Variants in RBFOX1 observed in about 807,000 individuals in gnomAD.
RBFOX1 encodes the protein RNA binding fox-1 homolog 1, also known as RNA binding protein fox-1 homolog 1.
Under a neutral mutation model 57.7 loss-of-function variants are expected in RBFOX1, and 8 were observed. The observed-to-expected ratio is 0.14, with a 90% CI of 0.08 to 0.25. The LOEUF is 0.25. RBFOX1 is among the 10% of genes least tolerant of loss of function. The pLI, the probability that RBFOX1 is intolerant of heterozygous loss-of-function variation, is 1.00. For missense variants in RBFOX1, 611 were observed against 548.5 expected (o/e 1.11, Z -1.14); for synonymous variants, 326 against 222.4 (o/e 1.47, Z -4.15).
chr16:7,138,039 G>A (rs911516602), intron 4 of RBFOX1, among the ~76,000 whole-genome samples: 2 of 152,172 alleles, frequency 1.3e-5, no homozygotes, highest in Non-Finnish European at 2.9e-5. Context: ...CAGAGGAGCT[G>A]GAATTTTAGT....
intron 3 of RBFOX1, among the ~76,000 whole-genome samples, chr16:6,702,052 T>C (rs1275614369): frequency 6.6e-6 from 1 of 151,982 alleles, no homozygotes; most frequent in African/African-American, 2.4e-5. Flanking sequence ...CAACATACAA[T>C]TTACCTGTAT....
chr16:7,188,192 G>A (rs1025145752), intron 4 of RBFOX1, among the ~76,000 whole-genome samples: 10 of 152,192 alleles, frequency 6.6e-5, no homozygotes, highest in African/African-American at 2.4e-4. Flanking sequence ...AAATACGATG[G>A]AATGAAACAC....
intron 3 of RBFOX1, among the ~76,000 whole-genome samples, chr16:5,701,596 A>C (rs530018698): frequency 6.6e-6 from 1 of 152,102 alleles, no homozygotes; most frequent in African/African-American, 2.4e-5. Flanking sequence ...CACCTGGCTA[A>C]TATTTTTTGT....
chr16:6,221,758 G>T (rs1374415458), intron 1 of RBFOX1, among the ~76,000 whole-genome samples: 1 of 152,090 alleles, frequency 6.6e-6, no homozygotes, highest in African/African-American at 2.4e-5. Context: ...GAAAGCTTGT[G>T]CAGAGGAACT....
At chr16:5,489,126 A>T (rs1017521315) in intron 2 of RBFOX1, among the ~76,000 whole-genome samples, 1 of 152,212 alleles carries the variant, frequency 6.6e-6, no homozygotes. Context: ...TTTGCCTGAC[A>T]CTAAGTCTCT....
intron 1 of RBFOX1, among the ~76,000 whole-genome samples, chr16:6,107,588 C>T (rs66521157): frequency 6.6e-6 from 1 of 151,748 alleles, no homozygotes; most frequent in African/African-American, 2.4e-5. Flanking sequence ...AGGATTAATA[C>T]ATGTATGGAT....
chr16:5,289,884 G>T (rs1287886747), intron 1 of RBFOX1, among the ~76,000 whole-genome samples: 10 of 152,322 alleles, frequency 6.6e-5, no homozygotes, highest in Non-Finnish European at 1.3e-4. Flanking sequence ...GTTTATGAAA[G>T]AAATGAAAAT....
In RBFOX1 at chr16:6,875,227, C is replaced by G. The variant is rs190923934; in HGVS notation, c.-15-176830C>G. On this transcript the variant is annotated intron_variant, in intron 3 of 15. Coordinates refer to ENST00000550418, the MANE Select transcript of RBFOX1 (RefSeq NM_018723.4). ...ACGGTTGATGATGATGATATTATCA[C>G]TATTGTAATTCAGGAAATTTCAGTA... 7.6e-4 allele frequency among the ~76,000 whole-genome samples: 116 copies of G among 152,302 alleles called. 2 individuals carry two copies. The highest frequency in any genetic ancestry group is 1.5e-4 in the Non-Finnish European group (10 of 68,022).
chr16:5,706,009 C>G (rs1224305944), intron 3 of RBFOX1, among the ~76,000 whole-genome samples: 1 of 152,174 alleles, frequency 6.6e-6, no homozygotes, highest in Non-Finnish European at 1.5e-5. Context: ...CTCCCAGGTT[C>G]AAGCAATTCT....
At chr16:6,038,331 A>G (rs2095394182) in intron 1 of RBFOX1, 1 of 149,956 alleles carries the variant, frequency 6.7e-6, no homozygotes, top group Admixed American at 6.6e-5. Context: ...ACAGGCGTGC[A>G]CCATCACACC....
chr16:6,654,724 G>C, intron 3 of RBFOX1, 74 bp downstream of exon 3: 1 of 1,147,206 alleles, frequency 8.7e-7, no homozygotes, highest in Non-Finnish European at 1.2e-6. Context: ...GGTGTTTAAG[G>C]CATGCCCCTC....
intron 5 of RBFOX1, among the ~76,000 whole-genome samples, chr16:7,523,792 A>C (rs372978530): frequency 1.3e-5 from 2 of 152,180 alleles, no homozygotes; most frequent in South Asian, 2.1e-4. Flanking sequence ...CTCTTTGGCC[A>C]AAAAGGAGAT....
intron 2 of RBFOX1, among the ~76,000 whole-genome samples, chr16:6,376,179 C>T (rs181370649): frequency 6.6e-6 from 1 of 152,310 alleles, no homozygotes; most frequent in Admixed American, 6.5e-5. Flanking sequence ...ACTGTTCTCT[C>T]TTTCCCCTAG....
intron 2 of RBFOX1, among the ~76,000 whole-genome samples, chr16:5,586,980 C>G (rs976211916): frequency 6.6e-6 from 1 of 152,122 alleles, no homozygotes; most frequent in Non-Finnish European, 1.5e-5. Context: ...TCCTGTGCTG[C>G]CCAGATGCCC....
chr16:6,961,732 G>A (rs28561558), intron 3 of RBFOX1, among the ~76,000 whole-genome samples: 92,825 of 151,780 alleles, frequency 0.61, 28,497 homozygotes, highest in Non-Finnish European at 0.63. Context: ...ATATAGGGTA[G>A]CTTGTGATTG....
chr16:6,368,293 G>A (rs533415065), intron 2 of RBFOX1, among the ~76,000 whole-genome samples: 9 of 152,286 alleles, frequency 5.9e-5, no homozygotes, highest in South Asian at 2.1e-4. Context: ...ACCACCCCTG[G>A]AAGCTCAGCC....
intron 4 of RBFOX1, among the ~76,000 whole-genome samples, chr16:7,140,157 C>CCACT (rs1337651557): frequency 1.4e-5 from 1 of 70,868 alleles, no homozygotes; most frequent in Admixed American, 1.5e-4. Context: ...TCCTTCTCTC[C>CCACT]CTCTCTCTCT....
intron 3 of RBFOX1, among the ~76,000 whole-genome samples, chr16:5,690,833 T>A (rs776841212): frequency 6.6e-6 from 1 of 152,194 alleles, no homozygotes; most frequent in Non-Finnish European, 1.5e-5. Context: ...GTACAGAGTG[T>A]ACTTCCATTG....
intron 4 of RBFOX1, among the ~76,000 whole-genome samples, chr16:7,081,882 T>C (rs2059257373): frequency 1.3e-5 from 2 of 152,312 alleles, no homozygotes; most frequent in South Asian, 2.1e-4. Context: ...GGCATAAATA[T>C]TCCTTCCAGG....
Sources: gnomAD v4.1 joint callset for allele counts (sites outside exome capture counted in the v4.1 genomes callset) on GRCh38, gnomAD v4.1.1 for gene constraint, MANE v1.5 for transcripts, NCBI Gene and HGNC (gene_info 2026-07-23, HGNC 2026-07-21) for gene names.